Variants in BIN3 observed in about 807,000 individuals in gnomAD.
The protein encoded by BIN3 is bridging integrator 3.
BIN3 carries 41 observed loss-of-function variants against 38.2 expected under a neutral mutation model. The ratio of observed to expected loss-of-function variants is 1.07; its 90% CI spans 0.84 to 1.39. The LOEUF (loss-of-function observed/expected upper bound fraction) is 1.39, where lower values mean the gene tolerates loss of function less well. Ranked by LOEUF, BIN3 falls within the 40% of genes most tolerant of loss-of-function variation. BIN3 has a pLI of 0.00. For synonymous variants in BIN3, 145 were observed against 122.6 expected, an observed-to-expected ratio of 1.18 and a Z score of -1.21; for missense variants, 361 against 324.3, an observed-to-expected ratio of 1.11 and a Z score of -0.87.
chr8:22,655,813 T>A (rs1223981381), intron 1 of BIN3, among the ~76,000 whole-genome samples: 1 of 152,198 alleles, frequency 6.6e-6, no homozygotes, highest in Non-Finnish European at 1.5e-5. Context: ...ATTTAGAGTT[T>A]GAGTGTATGA....
At chr8:22,647,631 C>T (rs945063789) in intron 1 of BIN3, among the ~76,000 whole-genome samples, 1 of 152,188 alleles carries the variant, frequency 6.6e-6, no homozygotes, top group Non-Finnish European at 1.5e-5. Flanking sequence ...AATGGGAGGA[C>T]GTTCGTGCTG....
In BIN3 at chr8:22,656,543, T is replaced by C. The variant is rs183194237; in HGVS notation, c.9-11740A>G. On this transcript the variant is annotated intron_variant, in intron 1 of 8. Transcript: ENST00000276416. ...GAAAATATGATAAAATTCATCTTTT[T>C]CCCCAACATTTACACCTATTTATTG... Among the ~76,000 whole-genome samples, 51 of 152,330 alleles carry C rather than the reference T, an allele frequency of 3.3e-4. No individual in the cohort carries two copies. In the East Asian group the frequency reaches 9.1e-3, roughly 27 times the overall value.
intron 1 of BIN3, among the ~76,000 whole-genome samples, chr8:22,649,752 T>C (rs1162253150): frequency 6.7e-6 from 1 of 149,812 alleles, no homozygotes; most frequent in Non-Finnish European, 1.5e-5. Flanking sequence ...TTTTCTTGAC[T>C]ACAAAAATAG....
At chr8:22,660,042 T>C (rs927297400) in intron 1 of BIN3, among the ~76,000 whole-genome samples, 1 of 152,170 alleles carries the variant, frequency 6.6e-6, no homozygotes, top group African/African-American at 2.4e-5. Context: ...AGCTGTCCCA[T>C]ACCGTGATGC....
At chr8:22,624,443 G>T in intron 6 of BIN3, 80 bp from the exon 7 acceptor site, 2 of 1,543,350 alleles carry the variant, frequency 1.3e-6, no homozygotes, top group Non-Finnish European at 8.8e-7. Context: ...TTGGAGGGGT[G>T]GCCTGGCTGG....
chr8:22,661,363 T>C (rs1486470605), intron 1 of BIN3, among the ~76,000 whole-genome samples: 2 of 132,150 alleles, frequency 1.5e-5, no homozygotes, highest in East Asian at 4.5e-4. Flanking sequence ...TTTTTTTTTT[T>C]TTTTTTTTTT....
chr8:22,623,857 A>G, intron 8 of BIN3, 58 bp downstream of exon 8: 2 of 1,570,354 alleles, frequency 1.3e-6, no homozygotes, highest in South Asian at 2.3e-5. Flanking sequence ...TGTGGGTGAC[A>G]GGGAGTGGCA....
At chr8:22,630,709 A>T (rs1030258098) in intron 4 of BIN3, 131 bp from the exon 5 acceptor site, 4 of 1,010,182 alleles carry the variant, frequency 4.0e-6, no homozygotes, top group Non-Finnish European at 5.7e-6. Context: ...GGCCGTCAAG[A>T]ACGGCGAAGT....
intron 1 of BIN3, among the ~76,000 whole-genome samples, chr8:22,651,622 T>C (rs1357086146): frequency 6.6e-6 from 1 of 152,236 alleles, no homozygotes; most frequent in East Asian, 1.9e-4. Flanking sequence ...TTCAAAGGCA[T>C]TGCTCCCCTG....
At chr8:22,658,425 T>C (rs1803128755) in intron 1 of BIN3, among the ~76,000 whole-genome samples, 1 of 152,268 alleles carries the variant, frequency 6.6e-6, no homozygotes, top group South Asian at 2.1e-4. Flanking sequence ...GCCAGTTGGC[T>C]AATTCTGTCT....
At chr8:22,658,146 C>A (rs951059504) in intron 1 of BIN3, among the ~76,000 whole-genome samples, 2 of 152,208 alleles carry the variant, frequency 1.3e-5, no homozygotes, top group African/African-American at 2.4e-5. Flanking sequence ...ATTGGTTCTG[C>A]TTCCCATTCC....
At chr8:22,624,405 G>C (rs1166867929) in intron 6 of BIN3, 42 bp from the exon 7 acceptor site, 1 of 1,595,066 alleles carries the variant, frequency 6.3e-7, no homozygotes, top group East Asian at 2.3e-5. Flanking sequence ...TTCTTGAAGG[G>C]GTGGCCTGGC....
At chr8:22,668,093 T>C (rs1483791845) in intron 1 of BIN3, among the ~76,000 whole-genome samples, 1 of 152,166 alleles carries the variant, frequency 6.6e-6, no homozygotes, top group Non-Finnish European at 1.5e-5. Context: ...TCACACACTA[T>C]AGTTGAATCC....
rs138079664 is a variant in BIN3, at chr8:22,649,521, C to T, written c.9-4718G>A. On this transcript the variant is annotated intron_variant, in intron 1 of 8. Coordinates refer to ENST00000276416, the MANE Select transcript of BIN3 (RefSeq NM_018688.6). ...AGAGGGAAAAACCCAGCCACGATTCCGCATCTAAAAGATGGCCAAGGTTAA... is the reference window on the plus strand; with the variant it reads ...AGAGGGAAAAACCCAGCCACGATTCTGCATCTAAAAGATGGCCAAGGTTAA... 3.0e-4 allele frequency among the ~76,000 whole-genome samples: 45 copies of T among 152,044 alleles called. No homozygotes were observed. The East Asian group carries it at 5.0e-3, about 17-fold the overall frequency.
At chr8:22,661,500 G>A (rs1803237315) in intron 1 of BIN3, among the ~76,000 whole-genome samples, 1 of 151,348 alleles carries the variant, frequency 6.6e-6, no homozygotes, top group Non-Finnish European at 1.5e-5. Context: ...TTGGATTACA[G>A]GCGTGCACCA....
At chr8:22,663,954 G>A (rs958180827) in intron 1 of BIN3, among the ~76,000 whole-genome samples, 26 of 152,144 alleles carry the variant, frequency 1.7e-4, no homozygotes, top group African/African-American at 5.3e-4. Context: ...TCCATACACC[G>A]GCTGAAGATA....
At chr8:22,641,663 T>C (rs929351105) in intron 2 of BIN3, among the ~76,000 whole-genome samples, 11 of 152,340 alleles carry the variant, frequency 7.2e-5, no homozygotes, top group Non-Finnish European at 1.6e-4. Context: ...CCCCGCCACC[T>C]GGCAGATGAA....
chr8:22,644,698 T>G (rs757184624), intron 2 of BIN3, 57 bp downstream of exon 2: 1 of 1,536,082 alleles, frequency 6.5e-7, no homozygotes, highest in Non-Finnish European at 8.9e-7. Context: ...TTGATTCTTA[T>G]GCAAAGGCCA....
At chr8:22,630,643 G>C in intron 4 of BIN3, 65 bp from the exon 5 acceptor site, 11 of 1,585,486 alleles carry the variant, frequency 6.9e-6, no homozygotes, top group Admixed American at 1.7e-5. Context: ...TTCTCTCCAG[G>C]ACCCCGTCCT....
Sources: allele counts gnomAD v4.1 joint callset (sites outside exome capture counted in the v4.1 genomes callset), GRCh38; gene constraint gnomAD v4.1.1; transcripts MANE v1.5; gene names NCBI Gene and HGNC (gene_info 2026-07-23, HGNC 2026-07-21).